Variants in CDH4 observed in about 807,000 individuals in gnomAD.
CDH4 encodes the protein cadherin-4.
In CDH4, 33 loss-of-function variants were observed where a neutral mutation model predicts 86.0. The ratio of observed to expected loss-of-function variants is 0.38; its 90% CI spans 0.29 to 0.51. The LOEUF is 0.51. Among genes scored for constraint, CDH4 ranks in the 20% least tolerant of loss-of-function variants. The probability of loss-of-function intolerance (pLI) is 0.86; values close to 1 mark genes in which losing one functional copy is unlikely to be tolerated. For missense variants in CDH4, 1,114 were observed against 1,307.4 expected (o/e 0.85, Z 2.28); for synonymous variants, 555 against 549.4 (o/e 1.01, Z -0.14).
At position 61,929,282 on chromosome 20, in the gene CDH4, C is replaced by T. The variant is rs565036628; in HGVS notation, c.2006-327C>T. On this transcript the variant is annotated intron_variant, in intron 12 of 15. Transcript: ENST00000614565. ...GCTCCCAAGTAGCTGAGATCACAGGCTTGCACCACACGCCCGGCTAATTTT... is the reference window on the plus strand; with the variant it reads ...GCTCCCAAGTAGCTGAGATCACAGGTTTGCACCACACGCCCGGCTAATTTT... Among the ~76,000 whole-genome samples the T allele has an allele frequency of 2.2e-4, 34 of 152,222 alleles. No homozygotes were observed. In the South Asian group the frequency reaches 6.2e-3, roughly 28 times the overall value.
chr20:61,437,006 C>T (rs2085286802), intron 2 of CDH4: 1 of 152,354 alleles, frequency 6.6e-6, no homozygotes, highest in Non-Finnish European at 1.5e-5. Context: ...CGTCCTAGCA[C>T]CCAGCGCAGG....
At chr20:61,519,728 G>C (rs1243694677) in intron 2 of CDH4, among the ~76,000 whole-genome samples, 1 of 152,254 alleles carries the variant, frequency 6.6e-6, no homozygotes, top group Non-Finnish European at 1.5e-5. Flanking sequence ...AATGCCACTA[G>C]TTCCTGGGCG....
chr20:61,448,252 T>C (rs1404951615), intron 2 of CDH4, among the ~76,000 whole-genome samples: 1 of 152,244 alleles, frequency 6.6e-6, no homozygotes, highest in African/African-American at 2.4e-5. Context: ...TGTTTTTACA[T>C]TCTGCTGACT....
chr20:61,553,124 T>C (rs769615402), intron 2 of CDH4, among the ~76,000 whole-genome samples: 4 of 152,256 alleles, frequency 2.6e-5, no homozygotes, highest in Admixed American at 6.5e-5. Context: ...GAAGTCCGTA[T>C]GCAAGCTACA....
intron 2 of CDH4, among the ~76,000 whole-genome samples, chr20:61,533,851 T>C (rs1008575311): frequency 6.6e-5 from 10 of 152,154 alleles, no homozygotes; most frequent in Non-Finnish European, 1.2e-4. Context: ...AAAACCTCAA[T>C]ATGGGACCAA....
chr20:61,666,686 C>T (rs2087328451), intron 2 of CDH4, among the ~76,000 whole-genome samples: 1 of 152,184 alleles, frequency 6.6e-6, no homozygotes, highest in Admixed American at 6.5e-5. Flanking sequence ...CCCTGCAGAG[C>T]CCTGAGAACC....
chr20:61,365,443 G>A (rs1228356922), intron 2 of CDH4, among the ~76,000 whole-genome samples: 4 of 152,122 alleles, frequency 2.6e-5, no homozygotes, highest in Non-Finnish European at 4.4e-5. Flanking sequence ...AGGGTCAGAC[G>A]GGTGATGAGT....
intron 2 of CDH4, among the ~76,000 whole-genome samples, chr20:61,491,416 T>A (rs2085625146): frequency 6.6e-6 from 1 of 152,210 alleles, no homozygotes; most frequent in Admixed American, 6.5e-5. Context: ...TGACTCGTGA[T>A]GCTGGTAACT....
At chr20:61,909,434 T>G (rs112353646) in intron 8 of CDH4, among the ~76,000 whole-genome samples, 3,186 of 152,314 alleles carry the variant, frequency 0.021, 106 homozygotes, top group African/African-American at 0.073. Flanking sequence ...AGCATGAGCT[T>G]GCAAGGTTCC....
intron 2 of CDH4, among the ~76,000 whole-genome samples, chr20:61,531,126 T>G (rs1251052889): frequency 6.6e-6 from 1 of 151,876 alleles, no homozygotes; most frequent in Non-Finnish European, 1.5e-5. Flanking sequence ...CTGCTATATT[T>G]GAGCTCTCCA....
rs2055229333 is a variant in CDH4, at chr20:61,938,870, C to T, written c.*1927C>T. The T allele has an allele frequency of 6.6e-6, 1 of 152,304 alleles. No individual in the cohort carries two copies. The highest frequency in any genetic ancestry group is 1.9e-4 in the East Asian group (1 of 5,188). 9.4% of individuals were successfully genotyped at this position (152,304 alleles called of 1,614,324 possible). ...GTTGAGCTGGGGTCTCAGTCTCCAACCTGTCCTTTCTGACCCTCCCATGGC... is the reference window on the plus strand; with the variant it reads ...GTTGAGCTGGGGTCTCAGTCTCCAATCTGTCCTTTCTGACCCTCCCATGGC... On this transcript the variant is annotated 3_prime_UTR_variant, in exon 16 of 16. Coordinates refer to ENST00000614565, the MANE Select transcript of CDH4 (RefSeq NM_001794.5).
chr20:61,731,544 G>T (rs1452931181), intron 2 of CDH4, among the ~76,000 whole-genome samples: 1 of 152,202 alleles, frequency 6.6e-6, no homozygotes. Flanking sequence ...AGGCTTCAGG[G>T]CAGCCTCAGC....
chr20:61,858,451 C>T (rs1174866060), intron 6 of CDH4, among the ~76,000 whole-genome samples: 1 of 143,554 alleles, frequency 7.0e-6, no homozygotes, highest in Non-Finnish European at 1.5e-5. Context: ...GTCTCTGTGT[C>T]TGTATCTGTG....
chr20:61,797,841 C>T lies in CDH4; in HGVS notation c.576+24659C>T, dbSNP rs147689210. On this transcript the variant is annotated intron_variant, in intron 4 of 15. Coordinates refer to ENST00000614565, the MANE Select transcript of CDH4 (RefSeq NM_001794.5). ...CCAGGCCTCCCCACTGAGGTTCTGGCGGAGAAGCCCAGGCGGAGAGATCGG... is the reference window on the plus strand; with the variant it reads ...CCAGGCCTCCCCACTGAGGTTCTGGTGGAGAAGCCCAGGCGGAGAGATCGG... Among the ~76,000 whole-genome samples, 119 of 152,262 alleles carry T rather than the reference C, an allele frequency of 7.8e-4. No individual in the cohort carries two copies. The East Asian group carries it at 9.3e-3, about 12-fold the overall frequency.
intron 2 of CDH4, among the ~76,000 whole-genome samples, chr20:61,312,278 G>C (rs1411369324): frequency 6.6e-6 from 1 of 151,008 alleles, no homozygotes. Context: ...TGTCCATTTT[G>C]TGATGTATGC....
At chr20:61,659,558 G>A (rs1024227844) in intron 2 of CDH4, among the ~76,000 whole-genome samples, 3 of 150,320 alleles carry the variant, frequency 2.0e-5, no homozygotes. Flanking sequence ...TCAGGCATCC[G>A]AGGCTTGGAG....
intron 12 of CDH4, among the ~76,000 whole-genome samples, chr20:61,928,638 T>A (rs1243897922): frequency 6.6e-6 from 1 of 152,268 alleles, no homozygotes; most frequent in Non-Finnish European, 1.5e-5. Context: ...AATTTCTTGC[T>A]GCTTTAATGA....
intron 2 of CDH4, among the ~76,000 whole-genome samples, chr20:61,362,452 C>T (rs986333442): frequency 2.4e-4 from 34 of 143,862 alleles, no homozygotes; most frequent in African/African-American, 7.4e-4. Context: ...AGAGTGGAGA[C>T]GTGGCCTAGG....
Position 61,934,069 on chromosome 20 carries a change from G to C in CDH4, c.2393G>C (p.Ser798Thr). ...GGEEDQDYDL[S>T]QLQQPEAMGH... ...TCCCTCCCCCAGGACTACGACCTCAGCCAGCTGCAGCAGCCGGAAGCCATG... is the reference window on the plus strand; with the variant it reads ...TCCCTCCCCCAGGACTACGACCTCACCCAGCTGCAGCAGCCGGAAGCCATG... Residue 798 changes from serine (S) to threonine (T), a missense_variant, in exon 15 of 16, where the codon AGC (serine) becomes ACC (threonine). Physicochemically the swap from Ser to Thr is moderately conservative, Grantham distance 58. Coordinates refer to ENST00000614565, the MANE Select transcript of CDH4 (RefSeq NM_001794.5). 6.2e-7 allele frequency: 1 copy of C among 1,610,970 alleles called. No homozygotes were observed. Among genetic ancestry groups the C allele is most frequent in the Non-Finnish European group, 8.5e-7 (1 of 1,179,802 alleles).
Sources: allele counts gnomAD v4.1 joint callset (sites outside exome capture counted in the v4.1 genomes callset), GRCh38; gene constraint gnomAD v4.1.1; transcripts MANE v1.5; gene names NCBI Gene and HGNC (gene_info 2026-07-23, HGNC 2026-07-21).